Variants in RELN observed in about 807,000 individuals in gnomAD.
RELN encodes the protein reelin.
In RELN, 108 loss-of-function variants were observed where a neutral mutation model predicts 427.6. The ratio of observed to expected loss-of-function variants is 0.25; its 90% confidence interval spans 0.22 to 0.30. The LOEUF is 0.30. RELN is among the 10% of genes least tolerant of loss of function. The pLI is 1.00. For missense variants in RELN, 3,715 were observed against 4,302.8 expected (o/e 0.86, Z 3.82); for synonymous variants, 1,524 against 1,513.4 (o/e 1.01, Z -0.16).
At chr7:103,978,528 G>A (rs1796927222) in intron 1 of RELN, among the ~76,000 whole-genome samples, 1 of 152,164 alleles carries the variant, frequency 6.6e-6, no homozygotes, top group Non-Finnish European at 1.5e-5. Flanking sequence ...TCATTGTGTT[G>A]TAGAAAGAGT....
chr7:103,674,710 T>C (rs910697006), intron 11 of RELN, among the ~76,000 whole-genome samples: 9 of 152,174 alleles, frequency 5.9e-5, no homozygotes, highest in Non-Finnish European at 1.2e-4. Flanking sequence ...GCTTCATCCC[T>C]GGGATGCAAG....
At chr7:103,974,109 C>T (rs146155964) in intron 1 of RELN, among the ~76,000 whole-genome samples, 207 of 152,304 alleles carry the variant, frequency 1.4e-3, no homozygotes, top group African/African-American at 4.8e-3. Flanking sequence ...TGCCACTGCA[C>T]TCCAGCCTGG....
intron 1 of RELN, among the ~76,000 whole-genome samples, chr7:103,920,593 T>TTTTTTTTTTTTTTTTTTTTTTTTTTGA (rs57282777): frequency 7.7e-6 from 1 of 129,420 alleles, no homozygotes; most frequent in African/African-American, 3.0e-5. Flanking sequence ...TTTTTTTTTT[T>TTTTTTTTTTTTTTTTTTTTTTTTTTGA]GAGAGAGTCT....
chr7:103,745,065 C>G (rs1790781406), intron 6 of RELN, among the ~76,000 whole-genome samples: 1 of 152,170 alleles, frequency 6.6e-6, no homozygotes, highest in Non-Finnish European at 1.5e-5. Flanking sequence ...AGCTTATCCA[C>G]CATGATCAAG....
intron 19 of RELN, among the ~76,000 whole-genome samples, chr7:103,634,038 T>A (rs1442419084): frequency 1.3e-5 from 2 of 152,140 alleles, no homozygotes; most frequent in Non-Finnish European, 2.9e-5. Context: ...TTAATCATTA[T>A]CTGTTACATG....
rs895853600 is a variant in RELN at position 103,907,780 on chromosome 7, T to TA, written c.337+9294dup. On this transcript the variant is annotated intron_variant, in intron 2 of 64. Coordinates refer to ENST00000428762, the MANE Select transcript of RELN (RefSeq NM_005045.4). The stretch of plus-strand genomic sequence containing the variant: ...AGAAAGCCTGTTTTTTTTTCTTTTT[T>TA]AAAAAAAAACTTATTTTTTTTTAAT... 5.6e-5 allele frequency among the ~76,000 whole-genome samples: 5 copies of TA among 88,888 alleles called. No homozygotes were observed. The South Asian group carries it at 1.1e-3, about 19-fold the overall frequency. 58.3% of individuals were successfully genotyped at this position (88,888 alleles called of 152,430 possible). A position where few individuals can be genotyped will look rare whatever the true frequency, so the allele number is the denominator to read the frequency against.
At chr7:103,840,826 C>T (rs994066774) in intron 2 of RELN, among the ~76,000 whole-genome samples, 4 of 152,010 alleles carry the variant, frequency 2.6e-5, no homozygotes, top group Non-Finnish European at 5.9e-5. Context: ...CTGCTGCATG[C>T]TGAATAATAG....
intron 19 of RELN, among the ~76,000 whole-genome samples, chr7:103,631,709 GTTAAA>G (rs1562931474): frequency 1.3e-5 from 2 of 152,024 alleles, no homozygotes; most frequent in Admixed American, 6.6e-5. Context: ...GTCAGGTTTT[GTTAAA>G]TTAAGTATTT....
intron 19 of RELN, among the ~76,000 whole-genome samples, chr7:103,630,850 TGTTTTTTTTG>T (rs1832441195): frequency 4.9e-5 from 2 of 41,072 alleles, no homozygotes; most frequent in East Asian, 7.4e-4. Context: ...GTTATTTTTT[TGTTTTTTTTG>T]TTTTTTTTTT....
At chr7:103,490,203 T>A (rs1009387443) in intron 59 of RELN, among the ~76,000 whole-genome samples, 1 of 152,260 alleles carries the variant, frequency 6.6e-6, no homozygotes, top group African/African-American at 2.4e-5. Flanking sequence ...AATCTTTGAG[T>A]AAACCGAATG....
At chr7:103,769,221 T>G (rs1280437429) in intron 4 of RELN, among the ~76,000 whole-genome samples, 1 of 152,188 alleles carries the variant, frequency 6.6e-6, no homozygotes, top group Non-Finnish European at 1.5e-5. Context: ...ATTCAGGTGT[T>G]GCCAGAGTGA....
intron 1 of RELN, among the ~76,000 whole-genome samples, chr7:103,978,576 T>G (rs1405854489): frequency 6.6e-6 from 1 of 152,228 alleles, no homozygotes; most frequent in East Asian, 1.9e-4. Flanking sequence ...GACAAACTTG[T>G]TCGGATGAGC....
chr7:103,642,350 T>TG (rs1491307122), intron 16 of RELN, among the ~76,000 whole-genome samples: 2 of 33,604 alleles, frequency 6.0e-5, no homozygotes, highest in African/African-American at 1.2e-4. Flanking sequence ...TTTCATAGTG[T>TG]TTTTTTTTTT....
chr7:103,641,304 A>G (rs1396659988), intron 16 of RELN, among the ~76,000 whole-genome samples: 1 of 152,228 alleles, frequency 6.6e-6, no homozygotes, highest in African/African-American at 2.4e-5. Flanking sequence ...GCAAATTTAT[A>G]ATCTGTTGTC....
At chr7:103,909,574 T>A in intron 2 of RELN, among the ~76,000 whole-genome samples, 1 of 141,252 alleles carries the variant, frequency 7.1e-6, no homozygotes, top group African/African-American at 2.7e-5. Flanking sequence ...GCCACTGCAC[T>A]CCAGCCTGGG....
chr7:103,586,867 G>A (rs1219993325), intron 28 of RELN, among the ~76,000 whole-genome samples: 1 of 144,494 alleles, frequency 6.9e-6, no homozygotes, highest in African/African-American at 2.5e-5. Flanking sequence ...AAACACTGTA[G>A]ATGGAAGAAA....
At chr7:103,700,393 A>G (rs901667261) in intron 9 of RELN, among the ~76,000 whole-genome samples, 2 of 152,170 alleles carry the variant, frequency 1.3e-5, no homozygotes, top group Admixed American at 6.5e-5. Context: ...AGAAAATGTA[A>G]TATGTAATTA....
chr7:103,649,800 AG>A (rs1832875314), intron 16 of RELN, among the ~76,000 whole-genome samples: 2 of 152,002 alleles, frequency 1.3e-5, no homozygotes, highest in African/African-American at 4.8e-5. Context: ...TCTGAAAAGG[AG>A]GTAAAAGTTT....
intron 2 of RELN, among the ~76,000 whole-genome samples, chr7:103,862,201 G>A (rs1271839483): frequency 6.6e-6 from 1 of 152,118 alleles, no homozygotes; most frequent in Non-Finnish European, 1.5e-5. Context: ...GTACAGAATG[G>A]CTGACCTTTC....
Sources: allele counts gnomAD v4.1 joint callset (sites outside exome capture counted in the v4.1 genomes callset), GRCh38; gene constraint gnomAD v4.1.1; transcripts MANE v1.5; gene names NCBI Gene and HGNC (gene_info 2026-07-23, HGNC 2026-07-21).